Variants in CYLC2 observed in about 807,000 individuals in gnomAD.
The protein encoded by CYLC2 is cylicin-2.
CYLC2 carries 30 observed loss-of-function variants against 26.1 expected under a neutral mutation model. The ratio of observed to expected loss-of-function variants is 1.15; its 90% CI spans 0.86 to 1.56. The LOEUF (loss-of-function observed/expected upper bound fraction) is 1.56, where lower values mean the gene tolerates loss of function less well. CYLC2 is among the 40% of genes most tolerant of loss of function. The pLI is 0.00. For missense variants in CYLC2, 498 were observed against 394.4 expected (o/e 1.26, Z -2.23); for synonymous variants, 158 against 132.8 (o/e 1.19, Z -1.31).
intron 1 of CYLC2, among the ~76,000 whole-genome samples, chr9:102,996,863 T>C (rs1829242908): frequency 6.6e-6 from 1 of 152,004 alleles, no homozygotes; most frequent in African/African-American, 2.4e-5. Flanking sequence ...TTTCATCACT[T>C]CTGGCCTTGG....
intron 5 of CYLC2, among the ~76,000 whole-genome samples, chr9:103,008,890 T>C (rs1829378068): frequency 6.6e-6 from 1 of 152,060 alleles, no homozygotes; most frequent in Admixed American, 6.6e-5. Context: ...CCATCATGTT[T>C]CTCCCTTGGT....
intron 2 of CYLC2, among the ~76,000 whole-genome samples, chr9:103,002,199 T>C (rs1002506701): frequency 6.6e-6 from 1 of 152,032 alleles, no homozygotes; most frequent in African/African-American, 2.4e-5. Flanking sequence ...AAATCTCTCA[T>C]TGGCCTCATT....
chr9:103,003,945 A>G (rs181229356), intron 3 of CYLC2, among the ~76,000 whole-genome samples: 3 of 152,296 alleles, frequency 2.0e-5, no homozygotes, highest in Admixed American at 2.0e-4. Context: ...AAGTTTTCAC[A>G]AAATAAATGT....
intron 1 of CYLC2, among the ~76,000 whole-genome samples, chr9:103,000,446 G>A (rs138602087): frequency 6.6e-6 from 1 of 151,958 alleles, no homozygotes; most frequent in African/African-American, 2.4e-5. Flanking sequence ...AATCATTGTT[G>A]GGTATCAACA....
chr9:103,001,666 A>G, intron 2 of CYLC2, 48 bp downstream of exon 2: 2 of 1,183,824 alleles, frequency 1.7e-6, no homozygotes, highest in Non-Finnish European at 2.5e-6. Context: ...GCTTAATTTT[A>G]TGGTAAGTAT....
In CYLC2 at chr9:103,005,702, A is replaced by G. The variant is rs184093078; in HGVS notation, c.*24A>G. ...AGGCCTTGGATAAGAATTTGAACCGAAAGAATAATTCAAAAGCATATTTGA... is the reference window on the plus strand; with the variant it reads ...AGGCCTTGGATAAGAATTTGAACCGGAAGAATAATTCAAAAGCATATTTGA... On this transcript the variant is annotated 3_prime_UTR_variant, in exon 5 of 8. Transcript: ENST00000374798. 2,515 of 1,582,360 alleles carry G rather than the reference A, an allele frequency of 1.6e-3. 2 individuals carry two copies. The highest frequency in any genetic ancestry group is 2.7e-3 in the Middle Eastern group (16 of 5,858).
At chr9:102,999,474 CTTTATGAA>C (rs1464626065) in intron 1 of CYLC2, among the ~76,000 whole-genome samples, 1 of 151,654 alleles carries the variant, frequency 6.6e-6, no homozygotes, top group African/African-American at 2.4e-5. Context: ...GCTTTTATTG[CTTTATGAA>C]ACAAAATAGG....
At chr9:103,001,853 T>G (rs1242941241) in intron 2 of CYLC2, among the ~76,000 whole-genome samples, 1 of 152,142 alleles carries the variant, frequency 6.6e-6, no homozygotes, top group East Asian at 1.9e-4. Flanking sequence ...CGGAAATAGT[T>G]ACATGTTAGA....
intron 6 of CYLC2, among the ~76,000 whole-genome samples, chr9:103,014,971 T>G (rs1300684866): frequency 1.5e-5 from 2 of 133,780 alleles, no homozygotes; most frequent in Non-Finnish European, 3.2e-5. Flanking sequence ...ATTCATATTA[T>G]GTAGTATACA....
At chr9:103,004,936 C>A in intron 4 of CYLC2, 33 bp from the exon 5 acceptor site, 1 of 1,574,592 alleles carries the variant, frequency 6.4e-7, no homozygotes, top group South Asian at 1.2e-5. Flanking sequence ...TGGATTTTCC[C>A]ATTTTAAGAA....
At chr9:103,011,366 C>T (rs552210661) in intron 5 of CYLC2, among the ~76,000 whole-genome samples, 18 of 152,090 alleles carry the variant, frequency 1.2e-4, no homozygotes, top group African/African-American at 4.3e-4. Context: ...ACTTACGTTT[C>T]ATAAAAAATG....
chr9:103,016,649 A>T (rs7873015), intron 6 of CYLC2, among the ~76,000 whole-genome samples: 135,318 of 151,964 alleles, frequency 0.89, 60,619 homozygotes, highest in East Asian at 1. Flanking sequence ...TCATTAATCA[A>T]TGTTTATAAA....
chr9:103,001,694 G>A, intron 2 of CYLC2, 76 bp downstream of exon 2: 1 of 914,538 alleles, frequency 1.1e-6, no homozygotes, highest in South Asian at 1.7e-5. Flanking sequence ...TATTCAAAGT[G>A]ATAAAGCAAA....
At chr9:103,014,572 T>TACGCA (rs1829470209) in intron 6 of CYLC2, among the ~76,000 whole-genome samples, 1 of 143,662 alleles carries the variant, frequency 7.0e-6, no homozygotes, top group Non-Finnish European at 1.5e-5. Flanking sequence ...ATATGTATAT[T>TACGCA]ATGCAGTATA....
In CYLC2 at chr9:103,003,207, C is replaced by T. The variant is rs768442891; in HGVS notation, c.124C>T (p.Arg42Trp). 1.6e-4 allele frequency: 262 copies of T among 1,613,762 alleles called. No individual in the cohort carries two copies. Among genetic ancestry groups the T allele is most frequent in the South Asian group, 3.4e-4 (31 of 91,076 alleles). The change falls in exon 3 of 8, where the codon CGG becomes TGG. Residue 42 changes from arginine to tryptophan, a missense_variant. Coordinates refer to ENST00000374798, the MANE Select transcript of CYLC2 (RefSeq NM_001340.5). ...TGCCCTGTTATTTCCCAAACCACAA[C>T]GGCCAGGAACCAAAAGGAGATCAAA... ...HFALLFPKPQRPGTKRRSKPS... is the reference protein window; with the variant it reads ...HFALLFPKPQWPGTKRRSKPS...
At chr9:103,015,360 C>G (rs1376197200) in intron 6 of CYLC2, among the ~76,000 whole-genome samples, 5 of 111,140 alleles carry the variant, frequency 4.5e-5, no homozygotes, top group African/African-American at 3.6e-5. Flanking sequence ...TATATATAAT[C>G]ATATTATATA....
intron 1 of CYLC2, among the ~76,000 whole-genome samples, chr9:102,996,534 A>G (rs1289317988): frequency 6.6e-6 from 1 of 151,922 alleles, no homozygotes; most frequent in Non-Finnish European, 1.5e-5. Flanking sequence ...AAATGGCCTC[A>G]CCATTAGCCA....
At chr9:103,013,387 T>TATATTATATAAATATATATTTA (rs1554713590) in intron 6 of CYLC2, among the ~76,000 whole-genome samples, 8 of 101,434 alleles carry the variant, frequency 7.9e-5, no homozygotes, top group African/African-American at 1.7e-4. Context: ...ATTATATAAA[T>TATATTATATAAATATATATTTA]ATATATTATA....
chr9:103,015,072 A>G (rs558114606), intron 6 of CYLC2, among the ~76,000 whole-genome samples: 3 of 123,178 alleles, frequency 2.4e-5, no homozygotes, highest in African/African-American at 8.9e-5. Context: ...TATACATAAT[A>G]CATGTAATAT....
Sources: gnomAD v4.1 joint callset for allele counts (sites outside exome capture counted in the v4.1 genomes callset) on GRCh38, gnomAD v4.1.1 for gene constraint, MANE v1.5 for transcripts, NCBI Gene and HGNC (gene_info 2026-07-23, HGNC 2026-07-21) for gene names.